The following CEP68 variants were observed in gnomAD, a reference collection of about 807,000 sequenced individuals.
The protein encoded by CEP68 is centrosomal protein 68, also known as centrosomal protein of 68 kDa.
CEP68 carries 26 observed loss-of-function variants against 55.3 expected under a neutral mutation model. That is an observed-to-expected ratio of 0.47 (90% CI 0.34 to 0.65). The LOEUF (loss-of-function observed/expected upper bound fraction) is 0.65, where lower values mean the gene tolerates loss of function less well. CEP68 is among the 30% of genes least tolerant of loss of function. CEP68 has a pLI of 0.01. For missense variants in CEP68, 957 were observed against 946.7 expected (o/e 1.01, Z -0.14); for synonymous variants, 402 against 383.2 (o/e 1.05, Z -0.57).
chr2:65,062,799 T>C (rs1181217705), intron 1 of CEP68, among the ~76,000 whole-genome samples: 1 of 152,070 alleles, frequency 6.6e-6, no homozygotes, highest in Non-Finnish European at 1.5e-5. Flanking sequence ...ATCGTGCCAC[T>C]GCACTCCAGC....
chr2:65,066,745 A>AAAAAAAAAATAT (rs70943620), intron 1 of CEP68, among the ~76,000 whole-genome samples: 2 of 58,408 alleles, frequency 3.4e-5, no homozygotes, highest in African/African-American at 1.8e-4. Context: ...AAAAAAAAAA[A>AAAAAAAAAATAT]ATATATATAT....
intron 1 of CEP68, among the ~76,000 whole-genome samples, chr2:65,058,374 T>G (rs567430204): frequency 6.6e-6 from 1 of 152,202 alleles, no homozygotes; most frequent in East Asian, 1.9e-4. Context: ...CAGCTAATTT[T>G]CTATTTTGTT....
intron 1 of CEP68, among the ~76,000 whole-genome samples, chr2:65,066,745 A>AAATATATATATAT (rs70943620): frequency 6.8e-5 from 4 of 58,412 alleles, no homozygotes; most frequent in Non-Finnish European, 1.2e-4. Context: ...AAAAAAAAAA[A>AAATATATATATAT]ATATATATAT....
At chr2:65,064,603 G>A (rs1558555994) in intron 1 of CEP68, among the ~76,000 whole-genome samples, 1 of 151,954 alleles carries the variant, frequency 6.6e-6, no homozygotes, top group Non-Finnish European at 1.5e-5. Flanking sequence ...GTGCGGTGGT[G>A]GGCGCCTGTA....
In CEP68 at chr2:65,072,240, G is replaced by GT; in HGVS notation, c.1145dup (p.Pro383ThrfsTer25). The GT allele has an allele frequency of 6.2e-7, 1 of 1,614,104 alleles. No individual in the cohort carries two copies. Among genetic ancestry groups the GT allele is most frequent in the Non-Finnish European group, 8.5e-7 (1 of 1,180,016 alleles). ...AAGCCTTAAGCAGTGGCCCTCCAGAGTACCCCAGAAACAGGGTGGCATGGG... is the reference window on the plus strand; with the variant it reads ...AAGCCTTAAGCAGTGGCCCTCCAGAGTTACCCCAGAAACAGGGTGGCATGGG... On this transcript the variant is annotated frameshift_variant, in exon 3 of 7. Transcript: ENST00000377990. LOFTEE classifies it high-confidence loss of function.
rs368107291 is a variant in CEP68, at chr2:65,069,473, C to T, written c.29C>T (p.Ala10Val). The T allele has an allele frequency of 9.2e-6, 14 of 1,519,294 alleles. No individual in the cohort carries two copies. In the Admixed American group the frequency reaches 1.3e-4, roughly 14 times the overall value. The allele number at this position is 1,519,294 out of a possible 1,614,324, so 94.1% of individuals were successfully genotyped here. MALGEEKAEAEASEDTKAQS... is the reference protein window; with the variant it reads MALGEEKAEVEASEDTKAQS... ...GCCCTGGGTGAAGAAAAGGCAGAAG[C>T]GGAAGCATCTGAAGACACAAAGGCC... Residue 10 changes from alanine to valine, a missense_variant, in exon 2 of 7, where the codon GCG becomes GTG. Transcript: ENST00000377990.
At position 65,069,738 on chromosome 2, in the gene CEP68, A is replaced by G; in HGVS notation, c.294A>G (p.Ala98=). 1 of 1,614,030 alleles carries G rather than the reference A, an allele frequency of 6.2e-7. No homozygotes were observed. The change falls in exon 2 of 7, where the codon GCA becomes GCG. Residue 98 remains alanine (A), a synonymous_variant. Coordinates refer to ENST00000377990, the MANE Select transcript of CEP68 (RefSeq NM_015147.3). The part of the protein sequence containing the change: ...REPVAERSEP[A]LSGLPPATMG... ...CCGTAGCTGAGAGGTCTGAGCCTGCACTCAGTGGCCTGCCTCCTGCCACCA... is the reference window on the plus strand; with the variant it reads ...CCGTAGCTGAGAGGTCTGAGCCTGCGCTCAGTGGCCTGCCTCCTGCCACCA...
intron 1 of CEP68, among the ~76,000 whole-genome samples, chr2:65,065,808 TAGTC>T (rs1184915754): frequency 4.0e-5 from 6 of 151,682 alleles, no homozygotes; most frequent in East Asian, 1.9e-4. Flanking sequence ...ATACAAAAAT[TAGTC>T]AGGCATGGTG....
intron 4 of CEP68, chr2:65,074,704 C>G (rs904513054): frequency 8.0e-6 from 3 of 375,746 alleles, no homozygotes; most frequent in African/African-American, 6.3e-5. Context: ...ACTCTGGAAG[C>G]TGAGACAGGA....
Position 65,084,250 on chromosome 2 carries a change from T to C in CEP68, c.*616T>C, listed in dbSNP as rs984582145. The C allele has an allele frequency of 2.1e-5, 3 of 145,688 alleles. No homozygotes were observed. The highest frequency in any genetic ancestry group is 6.8e-5 in the Admixed American group (1 of 14,632). 9.0% of individuals were successfully genotyped at this position (145,688 alleles called of 1,614,324 possible). ...ATCTTCAGGGCTTACGTCTTTACTT[T>C]CTTGGCTAACCAGTTTCTTAGAAGA... On this transcript the variant is annotated 3_prime_UTR_variant, in exon 7 of 7. Transcript: ENST00000377990.
chr2:65,064,801 C>T (rs997700626), intron 1 of CEP68, among the ~76,000 whole-genome samples: 5 of 151,920 alleles, frequency 3.3e-5, no homozygotes, highest in African/African-American at 1.2e-4. Flanking sequence ...ACCCAGCCTT[C>T]ACCCTGGTTT....
Position 65,086,182 on chromosome 2 carries a change from C to T in CEP68, c.*2548C>T, listed in dbSNP as rs915187432. On this transcript the variant is annotated 3_prime_UTR_variant, in exon 7 of 7. Coordinates refer to ENST00000377990, the MANE Select transcript of CEP68 (RefSeq NM_015147.3). ...GGCTAAGGGAAATTCAATCCAAGGT[C>T]GAAGAATAGGAAATTACTGCTCAGA... 2.0e-5 allele frequency: 3 copies of T among 152,094 alleles called. No individual in the cohort carries two copies. The highest frequency in any genetic ancestry group is 2.1e-4 in the South Asian group (1 of 4,828). The allele number at this position is 152,094 out of a possible 1,614,324, so 9.4% of individuals were successfully genotyped here.
intron 1 of CEP68, among the ~76,000 whole-genome samples, chr2:65,066,726 C>CAAAAAAAAA (rs869096839): frequency 2.3e-5 from 1 of 43,228 alleles, no homozygotes; most frequent in Non-Finnish European, 4.2e-5. Flanking sequence ...GACTCTGTCT[C>CAAAAAAAAA]AAAAAAAAAA....
chr2:65,069,327 G>A, intron 1 of CEP68, 72 bp from the exon 2 acceptor site: 1 of 824,838 alleles, frequency 1.2e-6, no homozygotes, highest in Non-Finnish European at 1.8e-6. Context: ...TGCCTTAATT[G>A]TTAAAGAGCA....
At position 65,074,607 on chromosome 2, in the gene CEP68, T is replaced by C; in HGVS notation, c.2007+203T>C. The stretch of plus-strand genomic sequence containing the variant: ...AATTATTTCCCAGGCCAAATGGAGC[T>C]TGAAGATACAATATATTTATCTCAA... On this transcript the variant is annotated intron_variant, in intron 4 of 6. Coordinates refer to ENST00000377990, the MANE Select transcript of CEP68 (RefSeq NM_015147.3). The C allele has an allele frequency of 7.1e-6, 5 of 703,012 alleles. No individual in the cohort carries two copies. The South Asian group carries it at 8.2e-5, about 11-fold the overall frequency. The allele number at this position is 703,012 out of a possible 1,614,324, so 43.5% of individuals were successfully genotyped here. A position where few individuals can be genotyped will look rare whatever the true frequency, so the allele number is the denominator to read the frequency against.
intron 2 of CEP68, chr2:65,071,076 C>T (rs903030169): frequency 2.5e-5 from 6 of 236,290 alleles, no homozygotes; most frequent in Admixed American, 5.1e-5. Flanking sequence ...TGGGTTTGGA[C>T]GTGTCCTGTT....
Position 65,086,114 on chromosome 2 carries a change from CAAA to C in CEP68, c.*2481_*2483del, listed in dbSNP as rs1157637250. 2.6e-5 allele frequency: 4 copies of C among 152,078 alleles called. No individual in the cohort carries two copies. The highest frequency in any genetic ancestry group is 2.9e-5 in the Non-Finnish European group (2 of 68,018). The allele number at this position is 152,078 out of a possible 1,614,324, so 9.4% of individuals were successfully genotyped here. A position where few individuals can be genotyped will look rare whatever the true frequency, so the allele number is the denominator to read the frequency against. On this transcript the variant is annotated 3_prime_UTR_variant, in exon 7 of 7. Transcript: ENST00000377990. Reference sequence around the variant, plus strand: ...TTGAAGCTTAGGTGGGAATGGAACACAAAGAAGGTTTGAGGTAAGATATGCTGG... The same window carrying C: ...TTGAAGCTTAGGTGGGAATGGAACACGAAGGTTTGAGGTAAGATATGCTGG...
In CEP68 at chr2:65,086,399, G is replaced by GTA. The variant is rs1195262604; in HGVS notation, c.*2768_*2769dup. 1 of 152,066 alleles carries GTA rather than the reference G, an allele frequency of 6.6e-6. No homozygotes were observed. The highest frequency in any genetic ancestry group is 1.5e-5 in the Non-Finnish European group (1 of 68,024). The allele number at this position is 152,066 out of a possible 1,614,324, so 9.4% of individuals were successfully genotyped here. On this transcript the variant is annotated 3_prime_UTR_variant, in exon 7 of 7. Transcript: ENST00000377990. ...GAACCGTTTGTACTTGAAAATGGGG[G>GTA]TATAAAGGGGTATATATTTTTTCCA...
chr2:65,075,091 G>C (rs1351110823), intron 4 of CEP68: 1 of 152,940 alleles, frequency 6.5e-6, no homozygotes, highest in African/African-American at 2.4e-5. Flanking sequence ...ACTGACTCCA[G>C]AATCTACAAT....
Sources: gnomAD v4.1 joint callset for allele counts (sites outside exome capture counted in the v4.1 genomes callset) on GRCh38, gnomAD v4.1.1 for gene constraint, MANE v1.5 for transcripts, NCBI Gene and HGNC (gene_info 2026-07-23, HGNC 2026-07-21) for gene names.